Variants in EXOG observed in about 807,000 individuals in gnomAD.
EXOG encodes the protein nuclease EXOG, mitochondrial.
A neutral mutation model predicts 25.8 loss-of-function variants in EXOG; 27 were observed. The observed-to-expected ratio is 1.05, with a 90% CI of 0.77 to 1.45. The LOEUF (loss-of-function observed/expected upper bound fraction) is 1.45. Ranked by LOEUF, EXOG falls within the 40% of genes most tolerant of loss-of-function variation. The pLI is 0.00. For missense variants in EXOG, 458 were observed against 450.5 expected (o/e 1.02, Z -0.15); for synonymous variants, 133 against 167.0 (o/e 0.80, Z 1.57).
chr3:38,521,460 G>A (rs1156599751), intron 5 of EXOG, among the ~76,000 whole-genome samples: 3 of 152,196 alleles, frequency 2.0e-5, no homozygotes. Context: ...GCTCTGCATG[G>A]CAGCAATGGG....
chr3:38,500,111 T>G (rs1345163915), intron 2 of EXOG: 1 of 157,280 alleles, frequency 6.4e-6, no homozygotes, highest in Non-Finnish European at 1.4e-5. Context: ...AAGGTTGTCT[T>G]GGCACTGAAC....
At position 38,525,919 on chromosome 3, in the gene EXOG, G is replaced by A. The variant is rs2060857890; in HGVS notation, c.*1557G>A. 1 of 936,262 alleles carries A rather than the reference G, an allele frequency of 1.1e-6. No homozygotes were observed. The highest frequency in any genetic ancestry group is 1.3e-6 in the Non-Finnish European group (1 of 785,368). The allele number at this position is 936,262 out of a possible 1,614,324, so 58.0% of individuals were successfully genotyped here. A position where few individuals can be genotyped will look rare whatever the true frequency, so the allele number is the denominator to read the frequency against. On this transcript the variant is annotated 3_prime_UTR_variant, in exon 6 of 6. Coordinates refer to ENST00000287675, the MANE Select transcript of EXOG (RefSeq NM_005107.4). ...TGGTCATGCCACTGGACGCCAGCCT[G>A]GGCCACAGAGGGAGACCCTGTCTCA... is the stretch of plus-strand genomic sequence containing the variant.
rs1376621269 is a variant in EXOG at position 38,523,891 on chromosome 3, T to C, written c.646-10T>C. 6.6e-7 allele frequency: 1 copy of C among 1,514,962 alleles called. No individual in the cohort carries two copies. The highest frequency in any genetic ancestry group is 1.4e-5 in the African/African-American group (1 of 71,690). The allele number at this position is 1,514,962 out of a possible 1,614,324, so 93.8% of individuals were successfully genotyped here. ...AATTGGCATCACTAATATGGCTGCT[T>C]TGTTTTTAGGTGATTGGCGAGGACA... On this transcript the variant is annotated splice_polypyrimidine_tract_variant and intron_variant, in intron 5 of 5. Coordinates refer to ENST00000287675, the MANE Select transcript of EXOG (RefSeq NM_005107.4).
chr3:38,506,899 T>C lies in EXOG; in HGVS notation c.576T>C (p.Val192=). The change falls in exon 5 of 6, where the codon GTT becomes GTC. Residue 192 remains valine (V), a synonymous_variant. Transcript: ENST00000287675. ...AGCTGACAGAAAGGTTTGAAGATGT[T>C]TGGGTGGTATCTGGGCCTTTGACCT... ...CRELTERFED[V]WVVSGPLTLP... 1.2e-6 allele frequency: 2 copies of C among 1,606,948 alleles called. No individual in the cohort carries two copies. The highest frequency in any genetic ancestry group is 1.7e-6 in the Non-Finnish European group (2 of 1,173,764).
intron 2 of EXOG, among the ~76,000 whole-genome samples, chr3:38,499,143 G>A (rs77517073): frequency 0.053 from 8,024 of 152,220 alleles, 733 homozygotes; most frequent in African/African-American, 0.18. Flanking sequence ...ATTTGTAAAA[G>A]TTCTTTTATT....
intron 5 of EXOG, among the ~76,000 whole-genome samples, chr3:38,516,982 G>T (rs1353799699): frequency 2.0e-5 from 3 of 152,124 alleles, no homozygotes; most frequent in Admixed American, 6.5e-5. Context: ...GATTATTGAT[G>T]ATTTTAACTT....
At chr3:38,513,210 C>A (rs1388794973) in intron 5 of EXOG, among the ~76,000 whole-genome samples, 2 of 152,202 alleles carry the variant, frequency 1.3e-5, no homozygotes, top group Admixed American at 6.5e-5. Context: ...TTGGCATATA[C>A]TCCCATAGGC....
At chr3:38,496,564 C>CCAGAA in intron 1 of EXOG, 34 bp downstream of exon 1, 1 of 1,590,536 alleles carries the variant, frequency 6.3e-7, no homozygotes, top group South Asian at 1.1e-5. Flanking sequence ...CTTCGCTGGC[C>CCAGAA]CAGATTTCGG....
chr3:38,512,261 A>G (rs373133934), intron 5 of EXOG, among the ~76,000 whole-genome samples: 24 of 152,210 alleles, frequency 1.6e-4, no homozygotes, highest in Non-Finnish European at 2.5e-4. Flanking sequence ...TTATGCAATT[A>G]TATGTGCATA....
chr3:38,512,522 A>G (rs1484069277), intron 5 of EXOG, among the ~76,000 whole-genome samples: 1 of 152,122 alleles, frequency 6.6e-6, no homozygotes, highest in African/African-American at 2.4e-5. Context: ...TTTATTGTTT[A>G]TTTCTTGCAC....
At chr3:38,519,253 A>G (rs1458145729) in intron 5 of EXOG, 1 of 152,190 alleles carries the variant, frequency 6.6e-6, no homozygotes, top group African/African-American at 2.4e-5. Context: ...CACCCCCTTT[A>G]TTATATAGCT....
chr3:38,524,452 T>C lies in EXOG; in HGVS notation c.*90T>C. 6.8e-7 allele frequency: 1 copy of C among 1,465,612 alleles called. No homozygotes were observed. The highest frequency in any genetic ancestry group is 9.0e-7 in the Non-Finnish European group (1 of 1,110,746). The allele number at this position is 1,465,612 out of a possible 1,614,324, so 90.8% of individuals were successfully genotyped here. A position where few individuals can be genotyped will look rare whatever the true frequency, so the allele number is the denominator to read the frequency against. On this transcript the variant is annotated 3_prime_UTR_variant, in exon 6 of 6. Coordinates refer to ENST00000287675, the MANE Select transcript of EXOG (RefSeq NM_005107.4). The stretch of plus-strand genomic sequence containing the variant: ...ATTTTAGTGGCTTTGCTTTTTGCTT[T>C]TTAAAAAGTTTTTCTCTTTAAGAGA...
intron 2 of EXOG, among the ~76,000 whole-genome samples, chr3:38,500,786 G>A (rs1386339170): frequency 2.0e-5 from 3 of 152,166 alleles, no homozygotes; most frequent in Non-Finnish European, 2.9e-5. Flanking sequence ...GTGGTACCCA[G>A]ATATTCTGTT....
Position 38,497,752 on chromosome 3 carries a change from A to G in EXOG, c.287A>G (p.Glu96Gly). 6 of 1,601,390 alleles carry G rather than the reference A, an allele frequency of 3.7e-6. No homozygotes were observed. Among genetic ancestry groups the G allele is most frequent in the Non-Finnish European group, 5.1e-6 (6 of 1,177,146 alleles). ...QAKRVPRWVL[E>G]HISKSKIMGD... ...AAGCGGGTGCCTAGATGGGTTCTTGAACATATTTCCAAAAGCAAGATAATG... is the reference window on the plus strand; with the variant it reads ...AAGCGGGTGCCTAGATGGGTTCTTGGACATATTTCCAAAAGCAAGATAATG... The change falls in exon 2 of 6, where the codon GAA (glutamate) becomes GGA (glycine). Residue 96 changes from glutamate (E) to glycine (G), a missense_variant. Transcript: ENST00000287675.
At position 38,526,234 on chromosome 3, in the gene EXOG, A is replaced by T. The variant is rs62239348; in HGVS notation, c.*1872A>T. 0.05 allele frequency: 49,674 copies of T among 984,400 alleles called. 1,492 individuals carry two copies. Among genetic ancestry groups the T allele is most frequent in the East Asian group, 0.18 (1,544 of 8,810 alleles). 61.0% of individuals were successfully genotyped at this position (984,400 alleles called of 1,614,324 possible). A position where few individuals can be genotyped will look rare whatever the true frequency, so the allele number is the denominator to read the frequency against. ...TGTCTTTTCCGAGTGGTATTACAAG[A>T]AAGATTTTTGTGGTGTGTTTGTTCT... On this transcript the variant is annotated 3_prime_UTR_variant, in exon 6 of 6. Coordinates refer to ENST00000287675, the MANE Select transcript of EXOG (RefSeq NM_005107.4).
At chr3:38,508,719 C>CA (rs1002117658) in intron 5 of EXOG, among the ~76,000 whole-genome samples, 4 of 149,576 alleles carry the variant, frequency 2.7e-5, no homozygotes, top group African/African-American at 9.9e-5. Flanking sequence ...CCACCCCCCC[C>CA]CCAAAAAAAA....
At chr3:38,513,081 C>T (rs571212469) in intron 5 of EXOG, among the ~76,000 whole-genome samples, 7 of 152,282 alleles carry the variant, frequency 4.6e-5, no homozygotes, top group Admixed American at 1.3e-4. Context: ...GAATTAAAGG[C>T]GTGAGCCACC....
chr3:38,496,399 G>T lies in EXOG; in HGVS notation c.32G>T (p.Arg11Leu), dbSNP rs1222043396. Reference protein sequence around the residue: MAIKSIASRLRGSRRFLSGFV... With the variant: MAIKSIASRLLGSRRFLSGFV... ...ATCAAGAGTATCGCTTCCCGCCTCC[G>T]GGGTTCCCGTCGTTTTCTGAGCGGC... is the stretch of plus-strand genomic sequence containing the variant. The change falls in exon 1 of 6, where the codon CGG becomes CTG. Residue 11 changes from arginine to leucine, a missense_variant. Arg to Leu is a moderately radical substitution (Grantham distance 102, BLOSUM62 -2). This residue lies in a region of EXOG where 275 missense variants were observed against 230.5 expected (regional missense o/e 1.19). Coordinates refer to ENST00000287675, the MANE Select transcript of EXOG (RefSeq NM_005107.4). 2 of 1,613,984 alleles carry T rather than the reference G, an allele frequency of 1.2e-6. No homozygotes were observed. The highest frequency in any genetic ancestry group is 2.2e-5 in the East Asian group (1 of 44,858).
intron 5 of EXOG, among the ~76,000 whole-genome samples, chr3:38,520,416 C>A (rs1461978874): frequency 6.6e-6 from 1 of 152,148 alleles, no homozygotes; most frequent in African/African-American, 2.4e-5. Flanking sequence ...GTTTCCTTTG[C>A]AAAATATTTT....
Sources: gnomAD v4.1 joint callset for allele counts (sites outside exome capture counted in the v4.1 genomes callset) on GRCh38, gnomAD v4.1.1 for gene constraint, gnomAD v4.1.1 regional missense constraint, MANE v1.5 for transcripts, NCBI Gene and HGNC (gene_info 2026-07-23, HGNC 2026-07-21) for gene names.